Variants in GRID2 observed in about 807,000 individuals in gnomAD.
The protein encoded by GRID2 is glutamate ionotropic receptor delta type subunit 2, also known as glutamate receptor ionotropic, delta-2.
A neutral mutation model predicts 114.8 loss-of-function variants in GRID2; 33 were observed. The ratio of observed to expected loss-of-function variants is 0.29; its 90% confidence interval spans 0.22 to 0.38. The LOEUF (loss-of-function observed/expected upper bound fraction) is 0.38. Ranked by LOEUF, GRID2 falls within the 10% of genes least tolerant of loss-of-function variation. GRID2 has a pLI of 1.00. For missense variants in GRID2, 1,184 were observed against 1,257.7 expected, an observed-to-expected ratio of 0.94 and a Z score of 0.89; for synonymous variants, 505 against 449.9, an observed-to-expected ratio of 1.12 and a Z score of -1.55.
intron 13 of GRID2, among the ~76,000 whole-genome samples, chr4:93,595,904 A>C (rs1482947209): frequency 6.6e-6 from 1 of 152,214 alleles, no homozygotes; most frequent in Non-Finnish European, 1.5e-5. Flanking sequence ...TGTGGCAGGC[A>C]CTGTGCTAGA....
chr4:92,599,940 G>A (rs1579657061), intron 2 of GRID2, among the ~76,000 whole-genome samples: 1 of 150,328 alleles, frequency 6.7e-6, no homozygotes. Flanking sequence ...CAGTAGAATC[G>A]CTTGAACCTG....
intron 4 of GRID2, chr4:93,112,173 G>T (rs1275620938): frequency 1.3e-5 from 2 of 152,146 alleles, no homozygotes; most frequent in Non-Finnish European, 2.9e-5. Flanking sequence ...TGTTAAAATT[G>T]CAATAGAGGC....
At chr4:92,473,271 T>C (rs969110625) in intron 1 of GRID2, among the ~76,000 whole-genome samples, 1 of 152,134 alleles carries the variant, frequency 6.6e-6, no homozygotes, top group South Asian at 2.1e-4. Context: ...TTGATGTATG[T>C]GATCTTTTAT....
chr4:92,949,377 T>G (rs1751868850), intron 2 of GRID2, among the ~76,000 whole-genome samples: 1 of 152,070 alleles, frequency 6.6e-6, no homozygotes, highest in Non-Finnish European at 1.5e-5. Context: ...TAGTTACATA[T>G]GTATACATGT....
At chr4:93,745,296 A>G (rs912719832) in intron 14 of GRID2, among the ~76,000 whole-genome samples, 2 of 152,172 alleles carry the variant, frequency 1.3e-5, no homozygotes, top group East Asian at 1.9e-4. Context: ...CATTTCCTTT[A>G]CTGAATCACA....
At chr4:93,580,833 C>A (rs1736907184) in intron 13 of GRID2, among the ~76,000 whole-genome samples, 1 of 147,528 alleles carries the variant, frequency 6.8e-6, no homozygotes, top group African/African-American at 2.5e-5. Flanking sequence ...ACCCCCATAC[C>A]ACAAAATAAC....
intron 14 of GRID2, among the ~76,000 whole-genome samples, chr4:93,750,438 A>G (rs1463121738): frequency 1.3e-5 from 2 of 152,318 alleles, no homozygotes; most frequent in East Asian, 3.9e-4. Context: ...AATCCCTAGA[A>G]TAGTCACGTA....
At chr4:93,430,456 C>G (rs1012557593) in intron 10 of GRID2, among the ~76,000 whole-genome samples, 2 of 152,256 alleles carry the variant, frequency 1.3e-5, no homozygotes, top group Non-Finnish European at 2.9e-5. Flanking sequence ...GCTAGAATTA[C>G]TGGCATGAGC....
At chr4:93,705,715 G>A (rs1727940472) in intron 14 of GRID2, among the ~76,000 whole-genome samples, 1 of 151,916 alleles carries the variant, frequency 6.6e-6, no homozygotes, top group African/African-American at 2.4e-5. Flanking sequence ...ATTTTTGCTT[G>A]GTTGCCTGTG....
At chr4:92,780,833 C>A (rs934029536) in intron 2 of GRID2, among the ~76,000 whole-genome samples, 1 of 151,364 alleles carries the variant, frequency 6.6e-6, no homozygotes, top group African/African-American at 2.5e-5. Flanking sequence ...TCTGATCTTA[C>A]ATTATAATGT....
intron 12 of GRID2, among the ~76,000 whole-genome samples, chr4:93,511,079 G>A (rs1181281926): frequency 1.3e-5 from 2 of 152,084 alleles, no homozygotes; most frequent in Non-Finnish European, 2.9e-5. Flanking sequence ...TGGGATTACA[G>A]GTGTGTACCA....
At chr4:93,006,610 G>A (rs1325476810) in intron 2 of GRID2, among the ~76,000 whole-genome samples, 2 of 150,646 alleles carry the variant, frequency 1.3e-5, no homozygotes, top group South Asian at 2.1e-4. Flanking sequence ...AAAAAAGAGA[G>A]TCACTATATC....
intron 12 of GRID2, among the ~76,000 whole-genome samples, chr4:93,496,152 A>G (rs115889424): frequency 0.015 from 2,252 of 151,508 alleles, 51 homozygotes; most frequent in East Asian, 0.12. Flanking sequence ...GTTTTGAGAA[A>G]ATAGGAAAGT....
chr4:92,472,541 A>G (rs906521860), intron 1 of GRID2, among the ~76,000 whole-genome samples: 2 of 152,162 alleles, frequency 1.3e-5, no homozygotes, highest in African/African-American at 2.4e-5. Context: ...TTACTTTCCC[A>G]CTGGTAATGT....
intron 2 of GRID2, among the ~76,000 whole-genome samples, chr4:93,072,714 AATGG>A (rs912242169): frequency 6.6e-6 from 1 of 152,132 alleles, no homozygotes; most frequent in African/African-American, 2.4e-5. Context: ...AACAATAAGA[AATGG>A]TTAGGTAGGT....
At chr4:93,076,925 T>C (rs1217723917) in intron 2 of GRID2, among the ~76,000 whole-genome samples, 1 of 152,156 alleles carries the variant, frequency 6.6e-6, no homozygotes, top group East Asian at 1.9e-4. Context: ...TTGCCTAAGA[T>C]CCCATATTTC....
intron 2 of GRID2, among the ~76,000 whole-genome samples, chr4:92,953,859 T>A (rs1437034339): frequency 6.7e-6 from 1 of 150,328 alleles, no homozygotes; most frequent in Non-Finnish European, 1.5e-5. Flanking sequence ...AACAAGTTTA[T>A]GTATTTCACT....
chr4:93,436,941 GAT>G (rs1349817522), intron 10 of GRID2, among the ~76,000 whole-genome samples: 1 of 152,034 alleles, frequency 6.6e-6, no homozygotes, highest in Non-Finnish European at 1.5e-5. Flanking sequence ...AAATATGATT[GAT>G]ATATATTTTA....
At chr4:93,406,174 G>T (rs1255856986) in intron 9 of GRID2, among the ~76,000 whole-genome samples, 2 of 152,014 alleles carry the variant, frequency 1.3e-5, no homozygotes, top group Non-Finnish European at 2.9e-5. Context: ...CTAATTTCCT[G>T]CCACAAAAGG....
Sources: allele counts gnomAD v4.1 joint callset (sites outside exome capture counted in the v4.1 genomes callset), GRCh38; gene constraint gnomAD v4.1.1; transcripts MANE v1.5; gene names NCBI Gene and HGNC (gene_info 2026-07-23, HGNC 2026-07-21).